The following ESRRG variants were observed in gnomAD, a reference collection of about 807,000 sequenced individuals.
ESRRG encodes the protein estrogen-related receptor gamma.
ESRRG carries 13 observed loss-of-function variants against 44.0 expected under a neutral mutation model. The ratio of observed to expected loss-of-function variants is 0.30; its 90% confidence interval spans 0.19 to 0.47. The LOEUF (loss-of-function observed/expected upper bound fraction) is 0.47. ESRRG is among the 20% of genes least tolerant of loss of function. The pLI is 1.00. For synonymous variants in ESRRG, 215 were observed against 214.6 expected (o/e 1.00, Z -0.02); for missense variants, 395 against 580.6 (o/e 0.68, Z 3.29).
At chr1:217,089,630 T>TA (rs2092294875), upstream of ESRRG, 1 of 152,134 alleles carries the variant, frequency 6.6e-6, no homozygotes, top group African/African-American at 2.4e-5. Context: ...TTGCACATCT[T>TA]ACACACGCCT....
At chr1:217,056,088 A>T (rs1278092219) in intron 1 of ESRRG, among the ~76,000 whole-genome samples, 1 of 152,006 alleles carries the variant, frequency 6.6e-6, no homozygotes, top group Non-Finnish European at 1.5e-5. Flanking sequence ...GGTCCCTAAA[A>T]TCCTTTTTTG....
intron 1 of ESRRG, among the ~76,000 whole-genome samples, chr1:217,041,901 C>T (rs759984388): frequency 6.6e-6 from 1 of 152,146 alleles, no homozygotes; most frequent in Non-Finnish European, 1.5e-5. Flanking sequence ...GTATGCTTAT[C>T]CCAAGAAACC....
intron 1 of ESRRG, among the ~76,000 whole-genome samples, chr1:217,047,801 G>GA (rs926879126): frequency 5.9e-5 from 9 of 152,140 alleles, no homozygotes; most frequent in African/African-American, 2.2e-4. Context: ...TACAAAGAGA[G>GA]AAAAGGAATT....
chr1:217,106,778 C>T (rs2092602148), intron 1 of ESRRG, among the ~76,000 whole-genome samples: 1 of 152,184 alleles, frequency 6.6e-6, no homozygotes, highest in Admixed American at 6.5e-5. Flanking sequence ...ACCTTGACAA[C>T]CTCCTTTGCC....
At chr1:216,940,307 A>G (rs1379644021) in intron 1 of ESRRG, among the ~76,000 whole-genome samples, 1 of 152,234 alleles carries the variant, frequency 6.6e-6, no homozygotes, top group Admixed American at 6.5e-5. Flanking sequence ...GTTGAACCTC[A>G]TGAAGTTGCT....
chr1:216,874,330 G>A (rs1472107288), intron 2 of ESRRG, among the ~76,000 whole-genome samples: 1 of 152,150 alleles, frequency 6.6e-6, no homozygotes. Flanking sequence ...GGTGAATTGT[G>A]CTTATTCCAT....
At chr1:216,712,440 A>T (rs1427709125) in intron 1 of ESRRG, among the ~76,000 whole-genome samples, 1 of 152,250 alleles carries the variant, frequency 6.6e-6, no homozygotes, top group Non-Finnish European at 1.5e-5. Flanking sequence ...ATTTCAGTGT[A>T]TCAGCAGTAG....
At chr1:216,556,318 A>G (rs905486159) in intron 5 of ESRRG, among the ~76,000 whole-genome samples, 2 of 152,124 alleles carry the variant, frequency 1.3e-5, no homozygotes, top group Non-Finnish European at 1.5e-5. Context: ...GGCTTCTAAA[A>G]GATTATAATA....
At chr1:216,601,403 G>A (rs531987517) in intron 3 of ESRRG, among the ~76,000 whole-genome samples, 2 of 152,172 alleles carry the variant, frequency 1.3e-5, no homozygotes, top group South Asian at 2.1e-4. Flanking sequence ...AAGGAGGGGG[G>A]CTCCAAGCAT....
chr1:216,911,329 AGGAACCTTAAATGT>A (rs1207614144), intron 2 of ESRRG, among the ~76,000 whole-genome samples: 3 of 152,184 alleles, frequency 2.0e-5, no homozygotes, highest in African/African-American at 7.2e-5. Flanking sequence ...AAAGACATGG[AGGAACCTTAAATGT>A]GGAACCTTAA....
At chr1:217,125,176 C>T (rs142432281) in intron 1 of ESRRG, among the ~76,000 whole-genome samples, 61 of 152,206 alleles carry the variant, frequency 4.0e-4, no homozygotes, top group African/African-American at 1.3e-3. Flanking sequence ...AGTGGGACTC[C>T]ATTTTTATAA....
At chr1:216,508,789 T>C (rs1030475110) in intron 6 of ESRRG, among the ~76,000 whole-genome samples, 1 of 152,126 alleles carries the variant, frequency 6.6e-6, no homozygotes, top group Non-Finnish European at 1.5e-5. Flanking sequence ...AAATGCTACC[T>C]GAAGGAAAAA....
intron 3 of ESRRG, among the ~76,000 whole-genome samples, chr1:216,591,045 G>A (rs921256756): frequency 4.6e-5 from 7 of 152,198 alleles, no homozygotes; most frequent in Middle Eastern, 6.8e-3. Context: ...GAAATTTCCT[G>A]AGTGAAAAGG....
chr1:216,841,770 G>A (rs552718257), intron 2 of ESRRG, among the ~76,000 whole-genome samples: 1 of 152,170 alleles, frequency 6.6e-6, no homozygotes, highest in Admixed American at 6.5e-5. Flanking sequence ...TAAAACCTTT[G>A]GGAAATGCAC....
chr1:217,018,104 A>G (rs1293872007), intron 1 of ESRRG, among the ~76,000 whole-genome samples: 1 of 152,208 alleles, frequency 6.6e-6, no homozygotes, highest in East Asian at 1.9e-4. Context: ...ATAAACCAAC[A>G]TACAAGCCAC....
intron 3 of ESRRG, among the ~76,000 whole-genome samples, chr1:216,609,578 T>A (rs2060353170): frequency 6.6e-6 from 1 of 152,170 alleles, no homozygotes; most frequent in South Asian, 2.1e-4. Context: ...ATAATATCCA[T>A]TTTATGAAAA....
chr1:217,000,719 T>A (rs1427462968), intron 1 of ESRRG: 2 of 152,162 alleles, frequency 1.3e-5, no homozygotes, highest in South Asian at 4.1e-4. Flanking sequence ...TGTAGCAACA[T>A]CGTCACTGGA....
intron 3 of ESRRG, among the ~76,000 whole-genome samples, chr1:216,593,996 G>A (rs930569785): frequency 3.9e-5 from 6 of 152,166 alleles, no homozygotes; most frequent in African/African-American, 1.4e-4. Flanking sequence ...GCCTCTCAAA[G>A]TGCTGGGATT....
chr1:216,692,376 TA>T (rs1180227399), intron 1 of ESRRG, among the ~76,000 whole-genome samples: 30 of 143,340 alleles, frequency 2.1e-4, no homozygotes, highest in East Asian at 4.0e-4. Flanking sequence ...GTTTAACAAG[TA>T]AAAAAAAAAT....
Sources: allele counts gnomAD v4.1 joint callset (sites outside exome capture counted in the v4.1 genomes callset), GRCh38; gene constraint gnomAD v4.1.1; transcripts MANE v1.5; gene names NCBI Gene and HGNC (gene_info 2026-07-23, HGNC 2026-07-21).